The following TELO2 variants were observed in gnomAD, a reference collection of about 807,000 sequenced individuals.
The protein encoded by TELO2 is telomere length regulation protein TEL2 homolog.
Under a neutral mutation model 91.0 loss-of-function variants are expected in TELO2, and 71 were observed. The observed-to-expected ratio is 0.78, with a 90% confidence interval of 0.64 to 0.95. The LOEUF (loss-of-function observed/expected upper bound fraction) is 0.95. Ranked by LOEUF, TELO2 falls within the 40% of genes least tolerant of loss-of-function variation. The pLI, the probability that TELO2 is intolerant of heterozygous loss-of-function variation, is 0.00. For synonymous variants in TELO2, 584 were observed against 518.9 expected, an observed-to-expected ratio of 1.13 and a Z score of -1.71; for missense variants, 1,183 against 1,141.3, an observed-to-expected ratio of 1.04 and a Z score of -0.53.
rs149425372 is a variant in TELO2 at position 1,498,886 on chromosome 16, C to T, written c.831-345C>T. Among the ~76,000 whole-genome samples, 449 of 152,202 alleles carry T rather than the reference C, an allele frequency of 3.0e-3. 3 individuals are homozygous for T. The highest frequency in any genetic ancestry group is 9.9e-3 in the African/African-American group (412 of 41,552). The stretch of plus-strand genomic sequence containing the variant: ...CAGGCTACTTGGACAAAATTTGGCC[C>T]GCTGCATGTTTTTGTAAATAAAATT... On this transcript the variant is annotated intron_variant, in intron 5 of 20. Transcript: ENST00000262319.
Position 1,502,632 on chromosome 16 carries a change from C to T in TELO2, c.1654-13C>T, listed in dbSNP as rs1399298614. ...GGTCCGACAGGTTTCCCAGCCCTAA[C>T]CCCTGCGTGCAGGTGAGCGTGGAGC... On this transcript the variant is annotated splice_polypyrimidine_tract_variant and intron_variant, in intron 13 of 20. Transcript: ENST00000262319. 3 of 1,609,348 alleles carry T rather than the reference C, an allele frequency of 1.9e-6. No individual in the cohort carries two copies. The highest frequency in any genetic ancestry group is 1.7e-6 in the Non-Finnish European group (2 of 1,179,448).
chr16:1,494,040 C>A lies in TELO2; in HGVS notation c.-36-206C>A, dbSNP rs1204509023. ...GGCACAGTGGCCCGGGTTGAGAAGCCCTGCAGTGGCTGGTAGCGTTGGGGT... is the reference window on the plus strand; with the variant it reads ...GGCACAGTGGCCCGGGTTGAGAAGCACTGCAGTGGCTGGTAGCGTTGGGGT... On this transcript the variant is annotated intron_variant, in intron 1 of 20. Coordinates refer to ENST00000262319, the MANE Select transcript of TELO2 (RefSeq NM_016111.4). This position sits in a 1 kb window ranked among gnomAD's most constrained non-coding sequence, Gnocchi z 5.6. Among the ~76,000 whole-genome samples, 1 of 152,154 alleles carries A rather than the reference C, an allele frequency of 6.6e-6. No homozygotes were observed. Among genetic ancestry groups the A allele is most frequent in the Non-Finnish European group, 1.5e-5 (1 of 68,030 alleles).
At chr16:1,509,522 G>A (rs948914318) in intron 20 of TELO2, among the ~76,000 whole-genome samples, 20 of 152,366 alleles carry the variant, frequency 1.3e-4, no homozygotes, top group African/African-American at 1.2e-4. Context: ...CTTGTCTGCC[G>A]TCCAGCAAGG....
In TELO2 at chr16:1,494,572, C is replaced by T. The variant is rs2039411931; in HGVS notation, c.291C>T (p.Asp97=). 2 of 1,613,524 alleles carry T rather than the reference C, an allele frequency of 1.2e-6. No individual in the cohort carries two copies. Among genetic ancestry groups the T allele is most frequent in the Non-Finnish European group, 1.7e-6 (2 of 1,179,946 alleles). The change falls in exon 2 of 21, where the codon GAC becomes GAT. Residue 97 remains aspartate (D), a synonymous_variant. Transcript: ENST00000262319. The surrounding 1 kb of genome is among the most constrained non-coding windows in gnomAD (Gnocchi z 5.6). ...WASFFLEGPA[D]QAFLVLMETI... Reference sequence around the variant, plus strand: ...GCTTCTTCCTGGAGGGCCCGGCGGACCAAGCCTTCCTGGTGTTGATGGAGA... The same window carrying T: ...GCTTCTTCCTGGAGGGCCCGGCGGATCAAGCCTTCCTGGTGTTGATGGAGA...
In TELO2 at chr16:1,495,601, G is replaced by A; in HGVS notation, c.591G>A (p.Gln197=). ...GCGAGGAGGTCGTCCGGGTGCTGCA[G>A]GCGGTTGTGGACTCTCTCCAAGGTG... ...LLGEEVVRVL[Q]AVVDSLQGGL... is the part of the protein sequence containing the mutation. Residue 197 remains glutamine, a synonymous_variant, in exon 3 of 21, where the codon CAG becomes CAA. Transcript: ENST00000262319. 4.4e-6 allele frequency: 7 copies of A among 1,604,204 alleles called. No homozygotes were observed. Among genetic ancestry groups the A allele is most frequent in the Non-Finnish European group, 5.1e-6 (6 of 1,174,260 alleles).
rs537697711 is a variant in TELO2 at position 1,495,728 on chromosome 16, G to C, written c.613+105G>C. 5 of 1,442,682 alleles carry C rather than the reference G, an allele frequency of 3.5e-6. No individual in the cohort carries two copies. The East Asian group carries it at 1.2e-4, about 33-fold the overall frequency. 89.4% of individuals were successfully genotyped at this position (1,442,682 alleles called of 1,614,324 possible). ...GCCTCTGGAGACTTTGGAGTCTCTG[G>C]TTGATGCCGTCAGGCAGGTGGGGAT... On this transcript the variant is annotated intron_variant, in intron 3 of 20. Transcript: ENST00000262319.
At chr16:1,496,143 C>T (rs1338335080) in intron 3 of TELO2, among the ~76,000 whole-genome samples, 2 of 152,218 alleles carry the variant, frequency 1.3e-5, no homozygotes, top group African/African-American at 4.8e-5. Context: ...CCTTCTCTTG[C>T]CTTTCCCGAG....
At chr16:1,499,442 A>T in intron 6 of TELO2, 109 bp downstream of exon 6, 1 of 1,261,962 alleles carries the variant, frequency 7.9e-7, no homozygotes, top group Non-Finnish European at 1.1e-6. Flanking sequence ...CCTGCCTGTG[A>T]TTTGGCAGTG....
rs1352220993 is a variant in TELO2, at chr16:1,505,931, G to T, written c.2035-307G>T. 9.2e-5 allele frequency among the ~76,000 whole-genome samples: 14 copies of T among 152,196 alleles called. No individual in the cohort carries two copies. Among genetic ancestry groups the T allele is most frequent in the Admixed American group, 9.2e-4 (14 of 15,282 alleles). On this transcript the variant is annotated intron_variant, in intron 16 of 20. Coordinates refer to ENST00000262319, the MANE Select transcript of TELO2 (RefSeq NM_016111.4). The surrounding 1 kb of genome is among the most constrained non-coding windows in gnomAD (Gnocchi z 4.3). ...GGAGATGTTTTTGGTTGTCACTAGG[G>T]GTGGGTTGGAGGCCACGGAGGCATC...
chr16:1,505,383 G>A lies in TELO2; in HGVS notation c.1843-27G>A, dbSNP rs1310455705. ...AAATGTTCTTCCCTGGAGCAGTGGC[G>A]ACGGCCCTGGGCCTGTCTCCCTCCA... is the stretch of plus-strand genomic sequence containing the variant. On this transcript the variant is annotated intron_variant, in intron 15 of 20. Transcript: ENST00000262319. The surrounding 1 kb of genome is among the most constrained non-coding windows in gnomAD (Gnocchi z 4.3). 2 of 1,591,198 alleles carry A rather than the reference G, an allele frequency of 1.3e-6. No individual in the cohort carries two copies. Among genetic ancestry groups the A allele is most frequent in the East Asian group, 2.3e-5 (1 of 44,326 alleles).
chr16:1,507,780 G>GA (rs1354304518), intron 20 of TELO2, 64 bp downstream of exon 20: 1 of 1,284,138 alleles, frequency 7.8e-7, no homozygotes, highest in Non-Finnish European at 1.0e-6. Flanking sequence ...GTGTATGTGT[G>GA]TGTGTGTGTG....
Position 1,505,681 on chromosome 16 carries a change from T to C in TELO2, c.2034+80T>C, listed in dbSNP as rs920584283. The C allele has an allele frequency of 2.8e-5, 42 of 1,487,640 alleles. No homozygotes were observed. The highest frequency in any genetic ancestry group is 3.6e-5 in the Non-Finnish European group (40 of 1,110,278). The allele number at this position is 1,487,640 out of a possible 1,614,324, so 92.2% of individuals were successfully genotyped here. ...AGGGCGGTCAGACACCTCCAGGCGC[T>C]GTCTGCAGCGAGGGGCGGCCACATT... On this transcript the variant is annotated intron_variant, in intron 16 of 20. Coordinates refer to ENST00000262319, the MANE Select transcript of TELO2 (RefSeq NM_016111.4). This position sits in a 1 kb window ranked among gnomAD's most constrained non-coding sequence, Gnocchi z 4.3.
Position 1,506,317 on chromosome 16 carries a change from A to G in TELO2, c.2114A>G (p.Gln705Arg). 1 of 1,613,874 alleles carries G rather than the reference A, an allele frequency of 6.2e-7. No homozygotes were observed. Among genetic ancestry groups the G allele is most frequent in the Non-Finnish European group, 8.5e-7 (1 of 1,179,952 alleles). Reference sequence around the variant, plus strand: ...GGCCACTTCTTCTTCCCCCTCCTTCAGCGCTTTGACAGGTGAGTGGGTTTT... The same window carrying G: ...GGCCACTTCTTCTTCCCCCTCCTTCGGCGCTTTGACAGGTGAGTGGGTTTT... ...VAGHFFFPLL[Q>R]RFDRPLVTFD... The change falls in exon 17 of 21, where the codon CAG becomes CGG. Residue 705 changes from glutamine to arginine, a missense_variant. Coordinates refer to ENST00000262319, the MANE Select transcript of TELO2 (RefSeq NM_016111.4).
rs1349149409 is a variant in TELO2 at position 1,507,586 on chromosome 16, C to A, written c.2292-15C>A. 4 of 1,573,786 alleles carry A rather than the reference C, an allele frequency of 2.5e-6. No homozygotes were observed. The African/African-American group carries it at 4.0e-5, about 16-fold the overall frequency. On this transcript the variant is annotated splice_polypyrimidine_tract_variant and intron_variant, in intron 19 of 20. Transcript: ENST00000262319. ...TGGTCCCTGCCGAGCTCAGCCCCCGCCTTCTTGCCGGCAGCTACGTGCGCC... is the reference window on the plus strand; with the variant it reads ...TGGTCCCTGCCGAGCTCAGCCCCCGACTTCTTGCCGGCAGCTACGTGCGCC...
Position 1,502,727 on chromosome 16 carries a change from C to T in TELO2, c.1736C>T (p.Ala579Val). The T allele has an allele frequency of 6.2e-7, 1 of 1,612,448 alleles. No individual in the cohort carries two copies. Among genetic ancestry groups the T allele is most frequent in the Non-Finnish European group, 8.5e-7 (1 of 1,179,852 alleles). Residue 579 changes from alanine to valine, a missense_variant, in exon 14 of 21, where the codon GCC becomes GTC. Ala to Val is a moderately conservative substitution (Grantham distance 64). Transcript: ENST00000262319. Reference sequence around the variant, plus strand: ...GGATTTGCAGGGCTGCGCCAGAGAGCCCTGGTGGCCGTCACGGTCACAGAC... The same window carrying T: ...GGATTTGCAGGGCTGCGCCAGAGAGTCCTGGTGGCCGTCACGGTCACAGAC... ...VVGFAGLRQR[A>V]LVAVTVTDPA...
At position 1,505,904 on chromosome 16, in the gene TELO2, C is replaced by T. The variant is rs908160079; in HGVS notation, c.2034+303C>T. 6.6e-6 allele frequency among the ~76,000 whole-genome samples: 1 copy of T among 152,178 alleles called. No individual in the cohort carries two copies. The highest frequency in any genetic ancestry group is 2.4e-5 in the African/African-American group (1 of 41,446). ...TCCACCTGAGGATGTTTAGGGGCGT[C>T]TGGAGATGTTTTTGGTTGTCACTAG... On this transcript the variant is annotated intron_variant, in intron 16 of 20. Transcript: ENST00000262319. The surrounding 1 kb of genome is among the most constrained non-coding windows in gnomAD (Gnocchi z 4.3).
At chr16:1,495,716 T>G (rs1596249744) in intron 3 of TELO2, 93 bp downstream of exon 3, 1 of 1,475,158 alleles carries the variant, frequency 6.8e-7, no homozygotes, top group East Asian at 2.3e-5. Flanking sequence ...TCTGGAGACT[T>G]TGGAGTCTCT....
At chr16:1,501,599 G>C in intron 10 of TELO2, 64 bp from the exon 11 acceptor site, 1 of 1,571,354 alleles carries the variant, frequency 6.4e-7, no homozygotes, top group Non-Finnish European at 8.7e-7. Context: ...TTTCTGTCCT[G>C]TGAGTCCTGA....
rs114071033 is a variant in TELO2, at chr16:1,509,605, G to A, written c.2408-225G>A. ...CCAGGCCCCTTTCCCATGGCTGCCT[G>A]TCCCGCGGCTCAGGGCAGCCCTCCA... is the stretch of plus-strand genomic sequence containing the variant. On this transcript the variant is annotated intron_variant, in intron 20 of 20. Coordinates refer to ENST00000262319, the MANE Select transcript of TELO2 (RefSeq NM_016111.4). Among the ~76,000 whole-genome samples, 210 of 152,366 alleles carry A rather than the reference G, an allele frequency of 1.4e-3. 1 individual carries two copies. The highest frequency in any genetic ancestry group is 4.7e-3 in the African/African-American group (194 of 41,594).
Sources: gnomAD v4.1 joint callset for allele counts (sites outside exome capture counted in the v4.1 genomes callset) on GRCh38, gnomAD v4.1.1 for gene constraint, Gnocchi (gnomAD v3.1) non-coding constraint, MANE v1.5 for transcripts, NCBI Gene and HGNC (gene_info 2026-07-23, HGNC 2026-07-21) for gene names.